Variants in PTCHD4 observed in about 807,000 individuals in gnomAD.
PTCHD4 encodes patched domain containing 4, also known as patched domain-containing protein 4.
Under a neutral mutation model 58.1 loss-of-function variants are expected in PTCHD4, and 33 were observed. The ratio of observed to expected loss-of-function variants is 0.57; its 90% CI spans 0.43 to 0.76. The LOEUF (loss-of-function observed/expected upper bound fraction) is 0.76, where lower values mean the gene tolerates loss of function less well. Ranked by LOEUF, PTCHD4 falls within the 30% of genes least tolerant of loss-of-function variation. PTCHD4 has a pLI of 0.00. For synonymous variants in PTCHD4, 478 were observed against 409.6 expected (o/e 1.17, Z -2.02); for missense variants, 1,058 against 1,027.1 (o/e 1.03, Z -0.41).
At chr6:47,901,180 A>AT (rs1449565503) in intron 4 of PTCHD4, 3 of 150,942 alleles carry the variant, frequency 2.0e-5, no homozygotes, top group African/African-American at 7.3e-5. Flanking sequence ...AAATAATAAA[A>AT]TAAAATAAAA....
At chr6:47,955,921 A>G (rs1366718228) in intron 4 of PTCHD4, among the ~76,000 whole-genome samples, 4 of 152,094 alleles carry the variant, frequency 2.6e-5, no homozygotes, top group Non-Finnish European at 5.9e-5. Flanking sequence ...CTTTCTCACA[A>G]CTTTTACCTA....
At chr6:47,908,051 A>G (rs1764956306) in intron 4 of PTCHD4, among the ~76,000 whole-genome samples, 1 of 152,170 alleles carries the variant, frequency 6.6e-6, no homozygotes, top group Non-Finnish European at 1.5e-5. Context: ...GAGAAGAGTT[A>G]CAGTATAGAA....
At chr6:48,104,590 C>T (rs1338683715) in intron 1 of PTCHD4, among the ~76,000 whole-genome samples, 2 of 152,186 alleles carry the variant, frequency 1.3e-5, no homozygotes, top group African/African-American at 4.8e-5. Flanking sequence ...GGATCAAATT[C>T]ACACATAACA....
chr6:48,105,555 C>G (rs1765700281), intron 1 of PTCHD4, among the ~76,000 whole-genome samples: 1 of 151,980 alleles, frequency 6.6e-6, no homozygotes, highest in African/African-American at 2.4e-5. Context: ...GAAGCAAGAG[C>G]AAACACATTC....
At chr6:48,025,025 C>T (rs2814490) in intron 3 of PTCHD4, among the ~76,000 whole-genome samples, 131,642 of 152,166 alleles carry the variant, frequency 0.87, 56,921 homozygotes, top group Non-Finnish European at 0.87. Context: ...AGAAACATAA[C>T]CTCATCAAAA....
chr6:47,939,627 C>T (rs976470075), intron 4 of PTCHD4, among the ~76,000 whole-genome samples: 11 of 152,098 alleles, frequency 7.2e-5, no homozygotes, highest in East Asian at 3.8e-4. Flanking sequence ...TTGTGTGCAA[C>T]GTGACCTTGC....
intron 3 of PTCHD4, among the ~76,000 whole-genome samples, chr6:48,019,886 C>G (rs970918583): frequency 2.6e-5 from 4 of 152,100 alleles, no homozygotes; most frequent in African/African-American, 9.7e-5. Context: ...TCATAAATAT[C>G]AATTATCCAA....
At chr6:47,952,831 C>T (rs1028572643) in intron 4 of PTCHD4, among the ~76,000 whole-genome samples, 5 of 152,102 alleles carry the variant, frequency 3.3e-5, no homozygotes, top group African/African-American at 9.6e-5. Context: ...TCTAATGATG[C>T]ATTTCTCAGA....
intron 1 of PTCHD4, among the ~76,000 whole-genome samples, chr6:48,109,007 T>C (rs986734914): frequency 1.3e-5 from 2 of 152,132 alleles, no homozygotes; most frequent in Admixed American, 6.6e-5. Context: ...TATGGTGATA[T>C]ATTTAAAAAT....
intron 1 of PTCHD4, among the ~76,000 whole-genome samples, chr6:48,106,017 T>G (rs542247880): frequency 3.3e-5 from 5 of 152,112 alleles, no homozygotes; most frequent in Non-Finnish European, 7.4e-5. Context: ...AATTCTACCA[T>G]AGGTAGAAGG....
At chr6:48,035,484 G>A (rs983731036) in intron 3 of PTCHD4, among the ~76,000 whole-genome samples, 1 of 152,076 alleles carries the variant, frequency 6.6e-6, no homozygotes, top group Non-Finnish European at 1.5e-5. Flanking sequence ...TCAGAAAAAG[G>A]GGATAGGGCC....
intron 4 of PTCHD4, among the ~76,000 whole-genome samples, chr6:47,884,477 A>T (rs942782824): frequency 4.6e-5 from 7 of 152,180 alleles, no homozygotes; most frequent in African/African-American, 1.7e-4. Context: ...ATCCACCTCA[A>T]ACTGATGCAC....
intron 4 of PTCHD4, among the ~76,000 whole-genome samples, chr6:47,886,193 C>T (rs1458798254): frequency 4.0e-5 from 6 of 150,296 alleles, no homozygotes; most frequent in Admixed American, 3.3e-4. Context: ...CCATTTTAAT[C>T]CTACACTCAA....
At chr6:48,022,410 G>A (rs1215747565) in intron 3 of PTCHD4, among the ~76,000 whole-genome samples, 1 of 151,678 alleles carries the variant, frequency 6.6e-6, no homozygotes, top group Non-Finnish European at 1.5e-5. Flanking sequence ...ATCCCCAAAA[G>A]GACAGACATG....
intron 3 of PTCHD4, among the ~76,000 whole-genome samples, chr6:48,063,000 T>C (rs1287284491): frequency 1.3e-5 from 2 of 152,162 alleles, no homozygotes; most frequent in Non-Finnish European, 2.9e-5. Flanking sequence ...TTCTAACCAG[T>C]ACAGAAACCT....
intron 1 of PTCHD4, among the ~76,000 whole-genome samples, chr6:48,108,440 C>T (rs1320161440): frequency 6.6e-5 from 10 of 151,706 alleles, no homozygotes; most frequent in Admixed American, 6.6e-5. Flanking sequence ...CATCACACAC[C>T]AGGGACTGTT....
intron 4 of PTCHD4, among the ~76,000 whole-genome samples, chr6:47,914,315 T>C (rs1481478290): frequency 2.0e-5 from 3 of 152,090 alleles, no homozygotes; most frequent in African/African-American, 7.2e-5. Context: ...GGCATGTCTG[T>C]GAGGGTGATT....
chr6:48,002,765 T>C (rs534348915), intron 4 of PTCHD4, among the ~76,000 whole-genome samples: 1 of 151,262 alleles, frequency 6.6e-6, no homozygotes, highest in South Asian at 2.1e-4. Context: ...ATAATAATAA[T>C]AATAATAATA....
chr6:48,075,480 CT>C (rs1765046928), intron 1 of PTCHD4, among the ~76,000 whole-genome samples: 1 of 144,760 alleles, frequency 6.9e-6, no homozygotes, highest in Admixed American at 7.0e-5. Flanking sequence ...AATCACTTAA[CT>C]GCTTAACCAC....
Sources: gnomAD v4.1 joint callset for allele counts (sites outside exome capture counted in the v4.1 genomes callset) on GRCh38, gnomAD v4.1.1 for gene constraint, MANE v1.5 for transcripts, NCBI Gene and HGNC (gene_info 2026-07-23, HGNC 2026-07-21) for gene names.